ZDHHC24: variants seen among roughly 807,000 people sequenced by gnomAD.
The protein encoded by ZDHHC24 is zDHHC palmitoyltransferase 24.
In ZDHHC24, 17 loss-of-function variants were observed where a neutral mutation model predicts 23.2. That is an observed-to-expected ratio of 0.73 (90% CI 0.50 to 1.10). ZDHHC24 has a LOEUF of 1.10. Among genes scored for constraint, ZDHHC24 ranks in the 50% least tolerant of loss-of-function variants. The probability of loss-of-function intolerance (pLI) is 0.00; values close to 1 mark genes in which losing one functional copy is unlikely to be tolerated. For synonymous variants in ZDHHC24, 186 were observed against 194.5 expected, an observed-to-expected ratio of 0.96 and a Z score of 0.36; for missense variants, 366 against 393.0, an observed-to-expected ratio of 0.93 and a Z score of 0.58.
At chr11:66,530,764 G>A, downstream of ZDHHC24, 2 of 1,350,378 alleles carry the variant, frequency 1.5e-6, no homozygotes, top group Non-Finnish European at 2.1e-6. Context: ...GGTCTTCTGT[G>A]TCTGCTGGGA....
chr11:66,534,519 C>T (rs181585123), downstream of ZDHHC24, among the ~76,000 whole-genome samples: 87 of 148,650 alleles, frequency 5.9e-4, no homozygotes, highest in Non-Finnish European at 1.0e-3. Flanking sequence ...CACTAGAGGC[C>T]GGGTATAGTG....
In ZDHHC24 at chr11:66,545,783, C is replaced by T; in HGVS notation, c.221G>A (p.Arg74His). 6.3e-7 allele frequency: 1 copy of T among 1,588,512 alleles called. No homozygotes were observed. The highest frequency in any genetic ancestry group is 8.5e-7 in the Non-Finnish European group (1 of 1,173,030). Residue 74 changes from arginine (R) to histidine (H), a missense_variant, in exon 1 of 3, where the codon CGC (arginine) becomes CAC (histidine). Arg to His is a conservative substitution (Grantham distance 29, BLOSUM62 0). Transcript: ENST00000310442. This position sits in a 1 kb window ranked among gnomAD's most constrained non-coding sequence, Gnocchi z 4.5. The part of the protein sequence containing the change: ...NLLGNVGLFL[R>H]SDPSIRGVML... Reference sequence around the variant, plus strand: ...CACGCCACGGATGCTGGGATCCGAGCGCAGGAAGAGCCCCACGTTGCCCAG... The same window carrying T: ...CACGCCACGGATGCTGGGATCCGAGTGCAGGAAGAGCCCCACGTTGCCCAG...
intron 3 of ZDHHC24, chr11:66,527,110 C>A: frequency 8.1e-7 from 1 of 1,236,592 alleles, no homozygotes; most frequent in Non-Finnish European, 1.1e-6. Context: ...GGCATGGTGG[C>A]TCACGCCTGT....
In ZDHHC24 at chr11:66,535,783, G is replaced by A. The variant is rs1400195537; in HGVS notation, c.*3746C>T. 1 of 152,162 alleles carries A rather than the reference G, an allele frequency of 6.6e-6. No individual in the cohort carries two copies. The highest frequency in any genetic ancestry group is 6.5e-5 in the Admixed American group (1 of 15,268). The allele number at this position is 152,162 out of a possible 1,614,324, so 9.4% of individuals were successfully genotyped here. On this transcript the variant is annotated 3_prime_UTR_variant, in exon 3 of 3. Coordinates refer to ENST00000310442, the MANE Select transcript of ZDHHC24 (RefSeq NM_207340.3). Reference sequence around the variant, plus strand: ...ATTCTACATCTCAAGGGGTTTTTGGGGGGAATTTGACAAGCTGATTCTCAA... The same window carrying A: ...ATTCTACATCTCAAGGGGTTTTTGGAGGGAATTTGACAAGCTGATTCTCAA...
intron 4 of ZDHHC24, among the ~76,000 whole-genome samples, chr11:66,526,347 C>T (rs1443419798): frequency 6.6e-6 from 1 of 152,338 alleles, no homozygotes; most frequent in East Asian, 1.9e-4. Flanking sequence ...TAGGCCTCCA[C>T]TGGGACAGCC....
At position 66,529,883 on chromosome 11, in the gene ZDHHC24, G is replaced by A. The variant is rs140013934; in HGVS notation, c.560-395C>T. On this transcript the variant is annotated intron_variant, in intron 2 of 4. Coordinates refer to the ZDHHC24 transcript ENST00000526986. ...GCCTACGTGCTGCCCGCGCCTACCT[G>A]CAGGCCCTCGAGTCCAGCCTGAGCC... is the stretch of plus-strand genomic sequence containing the variant. 25 of 1,609,408 alleles carry A rather than the reference G, an allele frequency of 1.6e-5. No individual in the cohort carries two copies. The African/African-American group carries it at 2.8e-4, about 18-fold the overall frequency.
intron 3 of ZDHHC24, among the ~76,000 whole-genome samples, chr11:66,528,036 G>A (rs1043942656): frequency 6.6e-6 from 1 of 152,136 alleles, no homozygotes; most frequent in Non-Finnish European, 1.5e-5. Context: ...TTCGTGACCA[G>A]CCTGGCCAAC....
At position 66,536,248 on chromosome 11, in the gene ZDHHC24, A is replaced by G. The variant is rs1421813457; in HGVS notation, c.*3281T>C. The G allele has an allele frequency of 1.3e-5, 2 of 152,384 alleles. No homozygotes were observed. The highest frequency in any genetic ancestry group is 4.8e-5 in the African/African-American group (2 of 41,454). 9.4% of individuals were successfully genotyped at this position (152,384 alleles called of 1,614,324 possible). On this transcript the variant is annotated 3_prime_UTR_variant, in exon 3 of 3. Transcript: ENST00000310442. ...TATAAATGTGTTCTTGTAGCTCCTC[A>G]CTAATTAAAAACAACAACAACAACG...
At chr11:66,540,750 T>A (rs1166067340) in intron 2 of ZDHHC24, among the ~76,000 whole-genome samples, 1 of 150,868 alleles carries the variant, frequency 6.6e-6, no homozygotes. Context: ...AGTTACTTAA[T>A]GTGTGCCGCC....
At chr11:66,523,427 G>C in intron 4 of ZDHHC24, 1 of 1,614,090 alleles carries the variant, frequency 6.2e-7, no homozygotes, top group Non-Finnish European at 8.5e-7. Flanking sequence ...ATTTCTCTGG[G>C]GCCAGACAGT....
At chr11:66,532,197 T>TA (rs1334390241), downstream of ZDHHC24, 3 of 748,856 alleles carry the variant, frequency 4.0e-6, no homozygotes, top group Non-Finnish European at 6.5e-6. Context: ...GTTGGGCCTA[T>TA]AGTAGCAGGT....
At position 66,537,173 on chromosome 11, in the gene ZDHHC24, C is replaced by T. The variant is rs575626164; in HGVS notation, c.*2356G>A. On this transcript the variant is annotated 3_prime_UTR_variant, in exon 3 of 3. Coordinates refer to ENST00000310442, the MANE Select transcript of ZDHHC24 (RefSeq NM_207340.3). ...GCAGTATCTATGGACTTTCACTTAACCCCATTTTTTGGTCTAGCCTCTCAC... is the reference window on the plus strand; with the variant it reads ...GCAGTATCTATGGACTTTCACTTAATCCCATTTTTTGGTCTAGCCTCTCAC... 6.6e-6 allele frequency: 1 copy of T among 152,030 alleles called. No homozygotes were observed. Among genetic ancestry groups the T allele is most frequent in the East Asian group, 1.9e-4 (1 of 5,176 alleles). The allele number at this position is 152,030 out of a possible 1,614,324, so 9.4% of individuals were successfully genotyped here.
At chr11:66,543,629 C>T in intron 2 of ZDHHC24, 75 bp downstream of exon 2, 2 of 1,458,234 alleles carry the variant, frequency 1.4e-6, no homozygotes, top group Non-Finnish European at 1.8e-6. Flanking sequence ...GCCCGTCTCC[C>T]ACCAGAATGG....
intron 4 of ZDHHC24, chr11:66,526,075 TTCCTC>T: frequency 6.3e-7 from 1 of 1,589,800 alleles, no homozygotes; most frequent in Non-Finnish European, 8.6e-7. Flanking sequence ...CTGTCTTGCT[TTCCTC>T]TCCAAGATAT....
Position 66,539,189 on chromosome 11 carries a change from A to C in ZDHHC24, c.*340T>G. ...AGGCATCCTGCAGTTTCCAGGCCCT[A>C]CAGAGGGTCCCAGAAACAGCCCCAG... On this transcript the variant is annotated 3_prime_UTR_variant, in exon 3 of 3. Coordinates refer to ENST00000310442, the MANE Select transcript of ZDHHC24 (RefSeq NM_207340.3). 2.0e-6 allele frequency: 2 copies of C among 1,024,534 alleles called. No homozygotes were observed. The highest frequency in any genetic ancestry group is 2.3e-6 in the Non-Finnish European group (2 of 853,448). 63.5% of individuals were successfully genotyped at this position (1,024,534 alleles called of 1,614,324 possible). A position where few individuals can be genotyped will look rare whatever the true frequency, so the allele number is the denominator to read the frequency against.
chr11:66,526,056 A>G (rs567873665), intron 4 of ZDHHC24: 19 of 1,453,790 alleles, frequency 1.3e-5, no homozygotes, highest in Non-Finnish European at 1.7e-5. Flanking sequence ...GGCCTCCCCT[A>G]CCCATCCCCT....
intron 4 of ZDHHC24, among the ~76,000 whole-genome samples, chr11:66,525,544 A>C (rs1856453148): frequency 6.6e-6 from 1 of 152,146 alleles, no homozygotes; most frequent in Non-Finnish European, 1.5e-5. Flanking sequence ...AGCCTGGGCA[A>C]TGAAGTGAGA....
At chr11:66,521,071 T>A (rs545628403), downstream of ZDHHC24, 17 of 622,374 alleles carry the variant, frequency 2.7e-5, no homozygotes, top group Non-Finnish European at 4.6e-5. Flanking sequence ...TGGCATCGTT[T>A]AGTCAAAAGG....
rs774751717 is a variant in ZDHHC24 at position 66,539,750 on chromosome 11, C to T, written c.634G>A (p.Ala212Thr). The T allele has an allele frequency of 1.1e-5, 17 of 1,613,046 alleles. No individual in the cohort carries two copies. Among genetic ancestry groups the T allele is most frequent in the Non-Finnish European group, 1.4e-5 (16 of 1,179,864 alleles). Reference protein sequence around the residue: ...TCVAGALLCGAGLLFHGMLLL... With the variant: ...TCVAGALLCGTGLLFHGMLLL... ...AGCATCCCATGGAAGAGCAGCCCAG[C>T]CCCGCACAGCAGCGCACCCGCCACG... is the stretch of plus-strand genomic sequence containing the variant. The change falls in exon 3 of 3, where the codon GCT becomes ACT. Residue 212 changes from alanine to threonine, a missense_variant. Coordinates refer to ENST00000310442, the MANE Select transcript of ZDHHC24 (RefSeq NM_207340.3).
Sources: allele counts gnomAD v4.1 joint callset (sites outside exome capture counted in the v4.1 genomes callset), GRCh38; gene constraint gnomAD v4.1.1; non-coding constraint Gnocchi (gnomAD v3.1); transcripts MANE v1.5; gene names NCBI Gene and HGNC (gene_info 2026-07-23, HGNC 2026-07-21).